Variants in SYT9 observed in about 807,000 individuals in gnomAD.
The protein encoded by SYT9 is synaptotagmin-9.
A neutral mutation model predicts 48.4 loss-of-function variants in SYT9; 22 were observed. The observed-to-expected ratio is 0.45, with a 90% confidence interval of 0.32 to 0.65. The LOEUF (loss-of-function observed/expected upper bound fraction) is 0.65. Ranked by LOEUF, SYT9 falls within the 30% of genes least tolerant of loss-of-function variation. The probability of loss-of-function intolerance (pLI) is 0.03; values close to 1 mark genes in which losing one functional copy is unlikely to be tolerated. For missense variants in SYT9, 577 were observed against 622.0 expected, an observed-to-expected ratio of 0.93 and a Z score of 0.77; for synonymous variants, 265 against 245.0, an observed-to-expected ratio of 1.08 and a Z score of -0.76.
intron 3 of SYT9, among the ~76,000 whole-genome samples, chr11:7,381,990 C>A (rs1163824857): frequency 3.9e-5 from 6 of 152,148 alleles, no homozygotes; most frequent in Non-Finnish European, 8.8e-5. Flanking sequence ...TCTCCACAAG[C>A]AGAACCAAGC....
chr11:7,281,762 A>G (rs1848497146), intron 1 of SYT9, among the ~76,000 whole-genome samples: 1 of 152,230 alleles, frequency 6.6e-6, no homozygotes, highest in Admixed American at 6.5e-5. Flanking sequence ...TGTTTCTTGG[A>G]TAGAATTTTT....
chr11:7,412,404 T>C (rs1333990651), intron 3 of SYT9, among the ~76,000 whole-genome samples: 1 of 152,254 alleles, frequency 6.6e-6, no homozygotes, highest in Non-Finnish European at 1.5e-5. Context: ...TGATTTTGGA[T>C]GCAAGCAATA....
chr11:7,426,962 C>T (rs374481181), intron 6 of SYT9, among the ~76,000 whole-genome samples: 6 of 152,144 alleles, frequency 3.9e-5, no homozygotes, highest in Admixed American at 3.9e-4. Flanking sequence ...ACTAGCTGAT[C>T]ATTTACCTTG....
intron 6 of SYT9, chr11:7,441,096 C>T (rs1181989205): frequency 6.6e-6 from 1 of 152,272 alleles, no homozygotes; most frequent in Admixed American, 6.5e-5. Context: ...GGACAATGAT[C>T]ACAGCCTTGT....
At chr11:7,247,688 A>G (rs567738157), upstream of SYT9, among the ~76,000 whole-genome samples, 564 of 148,080 alleles carry the variant, frequency 3.8e-3, 3 homozygotes, top group African/African-American at 0.013. Context: ...ATGTGTGTAT[A>G]TATATATATA....
intron 3 of SYT9, among the ~76,000 whole-genome samples, chr11:7,343,547 C>T (rs1849748956): frequency 6.6e-6 from 1 of 152,282 alleles, no homozygotes; most frequent in African/African-American, 2.4e-5. Context: ...ATTTAATGGT[C>T]CATTATCAGC....
chr11:7,246,219 A>T (rs1218391141), intron 1 of SYT9, among the ~76,000 whole-genome samples: 2 of 152,214 alleles, frequency 1.3e-5, no homozygotes, highest in African/African-American at 4.8e-5. Flanking sequence ...CTTCTGCCAC[A>T]GTCCCTGCTG....
rs1323206171 is a variant in SYT9 at position 7,313,949 on chromosome 11, C to T, written c.1044+8C>T. 2 of 1,601,602 alleles carry T rather than the reference C, an allele frequency of 1.2e-6. No individual in the cohort carries two copies. The highest frequency in any genetic ancestry group is 4.5e-5 in the East Asian group (2 of 44,790). On this transcript the variant is annotated splice_region_variant and intron_variant, in intron 3 of 6. Coordinates refer to ENST00000318881, the MANE Select transcript of SYT9 (RefSeq NM_175733.4). ...ATCGAATATGTCACCAATGTGAGTC[C>T]AGCATTTCTTCATTTTTGTGGTGGG...
intron 1 of SYT9, among the ~76,000 whole-genome samples, chr11:7,280,513 T>C (rs551289693): frequency 6.6e-6 from 1 of 152,376 alleles, no homozygotes; most frequent in Non-Finnish European, 1.5e-5. Context: ...TTTTCATCTG[T>C]TATTTACATT....
chr11:7,465,861 A>G (rs963169922), intron 6 of SYT9: 19 of 168,376 alleles, frequency 1.1e-4, no homozygotes, highest in African/African-American at 5.0e-4. Context: ...GAAACCCCTG[A>G]TAAACCCATC....
chr11:7,373,407 C>T (rs1850397856), intron 3 of SYT9, among the ~76,000 whole-genome samples: 1 of 152,104 alleles, frequency 6.6e-6, no homozygotes. Flanking sequence ...CCCTACCTCA[C>T]CTCTCCTCTT....
chr11:7,349,792 G>A (rs566559466), intron 3 of SYT9, among the ~76,000 whole-genome samples: 31 of 152,342 alleles, frequency 2.0e-4, no homozygotes, highest in African/African-American at 7.2e-4. Flanking sequence ...CCACACAAGT[G>A]ATAAAGGTGA....
chr11:7,242,162 C>T (rs1247883383), intron 1 of SYT9, among the ~76,000 whole-genome samples: 2 of 152,224 alleles, frequency 1.3e-5, no homozygotes, highest in East Asian at 1.9e-4. Flanking sequence ...CCACATGGGG[C>T]TCTAATGTGC....
chr11:7,392,669 C>A (rs1846653316), intron 3 of SYT9, among the ~76,000 whole-genome samples: 1 of 152,084 alleles, frequency 6.6e-6, no homozygotes, highest in South Asian at 2.1e-4. Context: ...ATAAGAAGAG[C>A]ACTGAATCTA....
intron 1 of SYT9, among the ~76,000 whole-genome samples, chr11:7,297,038 ATGTCT>A (rs1848823497): frequency 6.6e-6 from 1 of 151,318 alleles, no homozygotes; most frequent in South Asian, 2.1e-4. Context: ...GATCAGGAAA[ATGTCT>A]TGTATTCTGA....
intron 3 of SYT9, among the ~76,000 whole-genome samples, chr11:7,389,980 C>CA (rs1485813544): frequency 6.6e-6 from 1 of 152,114 alleles, no homozygotes; most frequent in Admixed American, 6.6e-5. Context: ...AATTAGAGCA[C>CA]AATAAATACT....
chr11:7,406,626 T>C (rs1179170105), intron 3 of SYT9, among the ~76,000 whole-genome samples: 1 of 151,524 alleles, frequency 6.6e-6, no homozygotes, highest in Non-Finnish European at 1.5e-5. Context: ...TCCATGTCTT[T>C]GCTGTTAAGA....
chr11:7,399,524 A>AT (rs780701938), intron 3 of SYT9, among the ~76,000 whole-genome samples: 5 of 152,228 alleles, frequency 3.3e-5, no homozygotes, highest in Non-Finnish European at 5.9e-5. Context: ...ATTTTAAAAG[A>AT]TTTTTGGTAA....
chr11:7,276,107 T>C (rs574193971), intron 1 of SYT9, among the ~76,000 whole-genome samples: 1 of 152,300 alleles, frequency 6.6e-6, no homozygotes, highest in African/African-American at 2.4e-5. Context: ...TGTTTTATCT[T>C]CATGGGTGAC....
Sources: gnomAD v4.1 joint callset for allele counts (sites outside exome capture counted in the v4.1 genomes callset) on GRCh38, gnomAD v4.1.1 for gene constraint, MANE v1.5 for transcripts, NCBI Gene and HGNC (gene_info 2026-07-23, HGNC 2026-07-21) for gene names.